The following ZBTB44 variants were observed in gnomAD, a reference collection of about 807,000 sequenced individuals.
ZBTB44 encodes zinc finger and BTB domain containing 44.
In ZBTB44, 15 loss-of-function variants were observed where a neutral mutation model predicts 54.0. The observed-to-expected ratio is 0.28, with a 90% CI of 0.19 to 0.43. ZBTB44 has a LOEUF of 0.43. Among genes scored for constraint, ZBTB44 ranks in the 20% least tolerant of loss-of-function variants. The pLI is 1.00. For synonymous variants in ZBTB44, 230 were observed against 250.1 expected (o/e 0.92, Z 0.76); for missense variants, 487 against 707.1 (o/e 0.69, Z 3.53).
Position 130,260,972 on chromosome 11 carries a change from T to C in ZBTB44, c.902A>G (p.Glu301Gly). 7 of 1,614,008 alleles carry C rather than the reference T, an allele frequency of 4.3e-6. No individual in the cohort carries two copies. The highest frequency in any genetic ancestry group is 5.9e-6 in the Non-Finnish European group (7 of 1,179,902). ...TGCACTGACAGGCTGGGACACTTCC[T>C]CATGGACCTCCTCATCACTTAATCT... ...VERLSDEEVH[E>G]EVSQPVSASQ... Residue 301 changes from glutamate to glycine, a missense_variant, in exon 2 of 8, where the codon GAG becomes GGG. Around this residue, in one of 3 missense-constraint regions of ZBTB44, gnomAD observed 277 missense variants for 306.5 expected, o/e 0.90. Transcript: ENST00000357899.
In ZBTB44 at chr11:130,261,239, G is replaced by C; in HGVS notation, c.635C>G (p.Ala212Gly). ...TTGGTTTCTATTTTCTGAGTAGGAA[G>C]CTGAAGAATTCAATACCTGGGGTGA... The part of the protein sequence containing the change: ...TSSPQVLNSS[A>G]SYSENRNQPV... The change falls in exon 2 of 8, where the codon GCT becomes GGT. Residue 212 changes from alanine (A) to glycine (G), a missense_variant. This residue lies in a region of ZBTB44 where 277 missense variants were observed against 306.5 expected (regional missense o/e 0.90). Transcript: ENST00000357899. This position sits in a 1 kb window ranked among gnomAD's most constrained non-coding sequence, Gnocchi z 4.8. 10 of 1,613,962 alleles carry C rather than the reference G, an allele frequency of 6.2e-6. No individual in the cohort carries two copies. Among genetic ancestry groups the C allele is most frequent in the Non-Finnish European group, 7.6e-6 (9 of 1,179,898 alleles).
At chr11:130,276,134 G>C (rs1940054075) in intron 1 of ZBTB44, among the ~76,000 whole-genome samples, 1 of 149,824 alleles carries the variant, frequency 6.7e-6, no homozygotes, top group Non-Finnish European at 1.5e-5. Flanking sequence ...GCTGAGGCAG[G>C]AGAATCGCTT....
chr11:130,249,646 G>A (rs866859855), intron 2 of ZBTB44, among the ~76,000 whole-genome samples: 1 of 152,220 alleles, frequency 6.6e-6, no homozygotes, highest in African/African-American at 2.4e-5. Flanking sequence ...CACAGAGGGT[G>A]AGCAGAAGCA....
In ZBTB44 at chr11:130,314,461, G is replaced by A. The variant is rs1375437030; in HGVS notation, c.-143C>T. 1 of 80,574 alleles carries A rather than the reference G, an allele frequency of 1.2e-5. No individual in the cohort carries two copies. Among genetic ancestry groups the A allele is most frequent in the East Asian group, 3.9e-4 (1 of 2,556 alleles). 5.0% of individuals were successfully genotyped at this position (80,574 alleles called of 1,614,324 possible). On this transcript the variant is annotated 5_prime_UTR_variant, in exon 1 of 8. Coordinates refer to ENST00000357899, the MANE Select transcript of ZBTB44 (RefSeq NM_001301098.2). ...GGGCGGCGAGGCGGCGGCGGCGGCG[G>A]CCCGGGGGGAGGGGGCGGAGCGCGG...
rs1458549930 is a variant in ZBTB44 at position 130,228,491 on chromosome 11, T to C, written c.*3273A>G. The C allele has an allele frequency of 6.6e-6, 1 of 152,108 alleles. No homozygotes were observed. Among genetic ancestry groups the C allele is most frequent in the Admixed American group, 6.5e-5 (1 of 15,278 alleles). 9.4% of individuals were successfully genotyped at this position (152,108 alleles called of 1,614,324 possible). A position where few individuals can be genotyped will look rare whatever the true frequency, so the allele number is the denominator to read the frequency against. ...AAAAATCGCCTAGAGAAAACACACATAAGCTAATCCTAGAAAAGGCTCTCC... is the reference window on the plus strand; with the variant it reads ...AAAAATCGCCTAGAGAAAACACACACAAGCTAATCCTAGAAAAGGCTCTCC... On this transcript the variant is annotated 3_prime_UTR_variant, in exon 8 of 8. Coordinates refer to ENST00000357899, the MANE Select transcript of ZBTB44 (RefSeq NM_001301098.2).
At chr11:130,257,474 C>T (rs1342186050) in intron 2 of ZBTB44, among the ~76,000 whole-genome samples, 2 of 152,010 alleles carry the variant, frequency 1.3e-5, no homozygotes, top group South Asian at 2.1e-4. Flanking sequence ...TATACTAAAG[C>T]ACAATATCAT....
At chr11:130,288,640 G>A (rs1941119226) in intron 1 of ZBTB44, among the ~76,000 whole-genome samples, 1 of 152,020 alleles carries the variant, frequency 6.6e-6, no homozygotes, top group South Asian at 2.1e-4. Context: ...GCTCATGCCT[G>A]TAATCCCAGC....
chr11:130,298,136 A>G (rs1403605099), intron 1 of ZBTB44, among the ~76,000 whole-genome samples: 4 of 151,230 alleles, frequency 2.6e-5, no homozygotes, highest in Non-Finnish European at 5.9e-5. Flanking sequence ...TAATTCCACA[A>G]TAATAATTGA....
At chr11:130,282,184 G>A (rs1258319188) in intron 1 of ZBTB44, among the ~76,000 whole-genome samples, 1 of 152,214 alleles carries the variant, frequency 6.6e-6, no homozygotes, top group Admixed American at 6.5e-5. Flanking sequence ...TAAGCATACA[G>A]TTTGTATGTT....
At chr11:130,297,771 A>T (rs1283857968) in intron 1 of ZBTB44, among the ~76,000 whole-genome samples, 3 of 152,224 alleles carry the variant, frequency 2.0e-5, no homozygotes, top group African/African-American at 7.2e-5. Flanking sequence ...CACAACTATG[A>T]GACAAAAATT....
chr11:130,233,178 T>G, intron 7 of ZBTB44, 130 bp downstream of exon 7: 1 of 1,252,314 alleles, frequency 8.0e-7, no homozygotes, highest in East Asian at 2.5e-5. Flanking sequence ...GAGAACATAT[T>G]GATGGGGCAG....
intron 1 of ZBTB44, among the ~76,000 whole-genome samples, chr11:130,307,424 CAAAAA>C (rs35105255): frequency 7.3e-6 from 1 of 137,562 alleles, no homozygotes; most frequent in Non-Finnish European, 1.6e-5. Flanking sequence ...GACTCTGTCT[CAAAAA>C]AAAAAAAAAA....
intron 1 of ZBTB44, among the ~76,000 whole-genome samples, chr11:130,304,058 T>C (rs562915133): frequency 3.3e-5 from 5 of 152,116 alleles, no homozygotes; most frequent in Non-Finnish European, 7.4e-5. Flanking sequence ...ATAATACAAA[T>C]CTAATGTATT....
At chr11:130,302,179 T>C (rs1942024162) in intron 1 of ZBTB44, among the ~76,000 whole-genome samples, 1 of 152,240 alleles carries the variant, frequency 6.6e-6, no homozygotes, top group Non-Finnish European at 1.5e-5. Flanking sequence ...CATAAACTTT[T>C]GTGATAGCTA....
chr11:130,240,580 T>C (rs1954320364), intron 2 of ZBTB44, among the ~76,000 whole-genome samples: 1 of 152,142 alleles, frequency 6.6e-6, no homozygotes, highest in African/African-American at 2.4e-5. Flanking sequence ...ACAACTTTTA[T>C]ACAGAATTTA....
intron 1 of ZBTB44, among the ~76,000 whole-genome samples, chr11:130,297,596 G>A (rs1328693607): frequency 1.3e-5 from 2 of 152,180 alleles, no homozygotes; most frequent in African/African-American, 4.8e-5. Flanking sequence ...AGGTGTCCTC[G>A]TATAAAGGGG....
In ZBTB44 at chr11:130,239,830, G is replaced by A. The variant is rs999357354; in HGVS notation, c.1085C>T (p.Pro362Leu). ...TACTGACCGATCATCATCATCCGGA[G>A]GAGCATTAGTGCTAGACGTGCTTTG... is the stretch of plus-strand genomic sequence containing the variant. ...TLQSTSSTNA[P>L]PDDDDRLENV... Residue 362 changes from proline (P) to leucine (L), a missense_variant, in exon 3 of 8, where the codon CCT (proline) becomes CTT (leucine). Coordinates refer to ENST00000357899, the MANE Select transcript of ZBTB44 (RefSeq NM_001301098.2). 6 of 1,612,354 alleles carry A rather than the reference G, an allele frequency of 3.7e-6. No individual in the cohort carries two copies. The Admixed American group carries it at 5.0e-5, about 13-fold the overall frequency.
chr11:130,288,870 G>A (rs771522817), intron 1 of ZBTB44, among the ~76,000 whole-genome samples: 11 of 151,080 alleles, frequency 7.3e-5, no homozygotes, highest in Non-Finnish European at 1.2e-4. Context: ...GCACTCCAGC[G>A]TGGGTGACAG....
chr11:130,234,678 C>T (rs776422905), intron 5 of ZBTB44, among the ~76,000 whole-genome samples: 3 of 152,164 alleles, frequency 2.0e-5, no homozygotes, highest in Non-Finnish European at 4.4e-5. Context: ...ATAAACCTAG[C>T]TTTGTATTAC....
Sources: allele counts gnomAD v4.1 joint callset (sites outside exome capture counted in the v4.1 genomes callset), GRCh38; gene constraint gnomAD v4.1.1; regional missense constraint gnomAD v4.1.1; non-coding constraint Gnocchi (gnomAD v3.1); transcripts MANE v1.5; gene names NCBI Gene and HGNC (gene_info 2026-07-23, HGNC 2026-07-21).